TRPC4: variants seen among roughly 807,000 people sequenced by gnomAD.
TRPC4 encodes the protein transient receptor potential cation channel subfamily C member 4, also known as short transient receptor potential channel 4.
Under a neutral mutation model 99.4 loss-of-function variants are expected in TRPC4, and 49 were observed. That is an observed-to-expected ratio of 0.49 (90% CI 0.39 to 0.63). TRPC4 has a LOEUF of 0.63. TRPC4 is among the 20% of genes least tolerant of loss of function. TRPC4 has a pLI of 0.00. For missense variants in TRPC4, 898 were observed against 1,152.9 expected, an observed-to-expected ratio of 0.78 and a Z score of 3.20; for synonymous variants, 454 against 425.9, an observed-to-expected ratio of 1.07 and a Z score of -0.81.
chr13:37,709,831 C>T (rs1954418315), intron 3 of TRPC4, among the ~76,000 whole-genome samples: 1 of 151,868 alleles, frequency 6.6e-6, no homozygotes, highest in Non-Finnish European at 1.5e-5. Flanking sequence ...ATTTCTGGTA[C>T]AAGGAATATT....
chr13:37,853,591 G>C (rs1959110542), intron 1 of TRPC4, among the ~76,000 whole-genome samples: 1 of 152,236 alleles, frequency 6.6e-6, no homozygotes, highest in Non-Finnish European at 1.5e-5. Flanking sequence ...AGTCACTGGG[G>C]ACCAATCTTG....
intron 4 of TRPC4, among the ~76,000 whole-genome samples, chr13:37,677,213 A>G (rs1374541475): frequency 2.0e-5 from 3 of 152,078 alleles, no homozygotes; most frequent in South Asian, 2.1e-4. Flanking sequence ...ATTTTAAAAT[A>G]TATGAGTAGA....
chr13:37,750,612 G>T (rs1028001661), intron 2 of TRPC4, among the ~76,000 whole-genome samples: 1 of 151,954 alleles, frequency 6.6e-6, no homozygotes, highest in African/African-American at 2.4e-5. Flanking sequence ...TGAATTCCAC[G>T]TGGTCAAATG....
chr13:37,660,295 G>A (rs912923255), intron 6 of TRPC4, among the ~76,000 whole-genome samples: 7 of 152,112 alleles, frequency 4.6e-5, no homozygotes, highest in African/African-American at 1.7e-4. Context: ...AAATGGAAGT[G>A]TTAAACAGGG....
chr13:37,675,508 A>G (rs1953016237), intron 4 of TRPC4, among the ~76,000 whole-genome samples: 1 of 152,102 alleles, frequency 6.6e-6, no homozygotes, highest in Non-Finnish European at 1.5e-5. Context: ...CATGGACCCT[A>G]TCCACAGCTC....
intron 4 of TRPC4, among the ~76,000 whole-genome samples, chr13:37,684,791 C>T (rs989216846): frequency 1.6e-5 from 2 of 123,742 alleles, no homozygotes; most frequent in Admixed American, 1.7e-4. Flanking sequence ...CCTGAGTACC[C>T]CTTACACACA....
intron 1 of TRPC4, among the ~76,000 whole-genome samples, chr13:37,862,183 A>G (rs1959387353): frequency 6.6e-6 from 1 of 151,358 alleles, no homozygotes; most frequent in Non-Finnish European, 1.5e-5. Flanking sequence ...CTGTCTCTAG[A>G]GAAAGGGGTA....
At chr13:37,836,720 G>A (rs538405139) in intron 1 of TRPC4, among the ~76,000 whole-genome samples, 1 of 152,350 alleles carries the variant, frequency 6.6e-6, no homozygotes, top group African/African-American at 2.4e-5. Context: ...TGTGTAGCCT[G>A]ACAATGTGTT....
chr13:37,655,811 C>A (rs1315520930), intron 6 of TRPC4, among the ~76,000 whole-genome samples: 1 of 152,074 alleles, frequency 6.6e-6, no homozygotes, highest in Non-Finnish European at 1.5e-5. Context: ...TATTTACTAT[C>A]TGCTCCTTTT....
intron 1 of TRPC4, among the ~76,000 whole-genome samples, chr13:37,834,686 T>C (rs1958512986): frequency 6.6e-6 from 1 of 152,198 alleles, no homozygotes; most frequent in African/African-American, 2.4e-5. Context: ...CCAACATACT[T>C]GGATCAATCT....
chr13:37,764,813 CTTTTT>C (rs71096806), intron 2 of TRPC4, among the ~76,000 whole-genome samples: 1 of 129,380 alleles, frequency 7.7e-6, no homozygotes. Context: ...TTATCAAATG[CTTTTT>C]TTTTTTTTTT....
At chr13:37,793,094 G>T (rs1285831911) in intron 1 of TRPC4, among the ~76,000 whole-genome samples, 1 of 152,028 alleles carries the variant, frequency 6.6e-6, no homozygotes, top group Non-Finnish European at 1.5e-5. Flanking sequence ...TGAGACGTCT[G>T]GTTAGAAGTT....
chr13:37,752,010 G>T (rs1955943311), intron 2 of TRPC4, among the ~76,000 whole-genome samples: 1 of 140,296 alleles, frequency 7.1e-6, no homozygotes, highest in Non-Finnish European at 1.5e-5. Context: ...AAATCTCAGG[G>T]TAGTTTTTCT....
At chr13:37,738,790 G>C (rs1291351020) in intron 3 of TRPC4, among the ~76,000 whole-genome samples, 2 of 152,076 alleles carry the variant, frequency 1.3e-5, no homozygotes, top group African/African-American at 4.8e-5. Context: ...AGTGACGGTG[G>C]GCATTAAGAA....
chr13:37,694,877 G>A (rs970382967), intron 3 of TRPC4, among the ~76,000 whole-genome samples: 8 of 152,090 alleles, frequency 5.3e-5, no homozygotes, highest in Admixed American at 1.3e-4. Context: ...AACCCAAAAA[G>A]TATTCTGAGA....
At chr13:37,728,923 T>A (rs1481483881) in intron 3 of TRPC4, among the ~76,000 whole-genome samples, 1 of 152,016 alleles carries the variant, frequency 6.6e-6, no homozygotes, top group Non-Finnish European at 1.5e-5. Context: ...GACCATTCAA[T>A]AGGGGAAAAG....
intron 4 of TRPC4, among the ~76,000 whole-genome samples, chr13:37,684,237 A>G (rs1953373614): frequency 1.3e-5 from 2 of 152,196 alleles, no homozygotes; most frequent in Admixed American, 1.3e-4. Flanking sequence ...ACATAAAGAG[A>G]CAGTGAATGT....
chr13:37,643,638 C>T (rs1304455744), intron 8 of TRPC4, among the ~76,000 whole-genome samples: 1 of 152,128 alleles, frequency 6.6e-6, no homozygotes, highest in African/African-American at 2.4e-5. Flanking sequence ...AGGATAGTTG[C>T]AAAGTCTTTG....
chr13:37,661,801 C>T lies in TRPC4; in HGVS notation c.1688+1615G>A, dbSNP rs542283192. ...TGCAAGTCAAGAACCACAAATAAGA[C>T]GGGAGCCAGAGGGTAGGGGGTGGGC... is the stretch of plus-strand genomic sequence containing the variant. On this transcript the variant is annotated intron_variant, in intron 6 of 10. Coordinates refer to ENST00000379705, the MANE Select transcript of TRPC4 (RefSeq NM_016179.4). Among the ~76,000 whole-genome samples the T allele has an allele frequency of 1.2e-4, 17 of 141,058 alleles. No individual in the cohort carries two copies. In the East Asian group the frequency reaches 3.2e-3, roughly 26 times the overall value. 92.5% of individuals were successfully genotyped at this position (141,058 alleles called of 152,430 possible).
Sources: allele counts gnomAD v4.1 joint callset (sites outside exome capture counted in the v4.1 genomes callset), GRCh38; gene constraint gnomAD v4.1.1; transcripts MANE v1.5; gene names NCBI Gene and HGNC (gene_info 2026-07-23, HGNC 2026-07-21).